The following CUL2 variants were observed in gnomAD, a reference collection of about 807,000 sequenced individuals.
CUL2 encodes cullin 2.
In CUL2, 22 loss-of-function variants were observed where a neutral mutation model predicts 110.2. The ratio of observed to expected loss-of-function variants is 0.20; its 90% confidence interval spans 0.14 to 0.28. CUL2 has a LOEUF of 0.28. CUL2 is among the 10% of genes least tolerant of loss of function. CUL2 has a pLI of 1.00. For missense variants in CUL2, 631 were observed against 905.5 expected (o/e 0.70, Z 3.89); for synonymous variants, 279 against 293.2 (o/e 0.95, Z 0.49).
At chr10:35,083,597 T>C (rs1351123828) in intron 1 of CUL2, among the ~76,000 whole-genome samples, 3 of 152,192 alleles carry the variant, frequency 2.0e-5, no homozygotes, top group Non-Finnish European at 2.9e-5. Context: ...AAATAGAAGG[T>C]GCTTTCCCCC....
intron 2 of CUL2, among the ~76,000 whole-genome samples, chr10:35,066,268 A>T (rs574499817): frequency 1.8e-4 from 27 of 152,318 alleles, no homozygotes; most frequent in East Asian, 5.8e-4. Context: ...AATTAAAAAA[A>T]ATATATAATA....
chr10:35,044,523 G>C (rs375700239), intron 8 of CUL2, 43 bp downstream of exon 8: 1 of 1,266,450 alleles, frequency 7.9e-7, no homozygotes, highest in Non-Finnish European at 1.1e-6. Flanking sequence ...AACCAGGCCA[G>C]ATACAAAATA....
intron 8 of CUL2, among the ~76,000 whole-genome samples, chr10:35,043,658 A>G (rs1176236120): frequency 6.6e-6 from 1 of 152,230 alleles, no homozygotes; most frequent in African/African-American, 2.4e-5. Flanking sequence ...TAGAAGTTCT[A>G]ATATATCTTA....
At chr10:35,058,344 C>T (rs1357030596) in intron 4 of CUL2, among the ~76,000 whole-genome samples, 1 of 152,116 alleles carries the variant, frequency 6.6e-6, no homozygotes. Flanking sequence ...TAGCCAGACC[C>T]CCGTGGTAAG....
chr10:35,033,118 TGATA>T, intron 11 of CUL2, 44 bp downstream of exon 11: 1 of 1,146,912 alleles, frequency 8.7e-7, no homozygotes, highest in Non-Finnish European at 1.2e-6. Context: ...GCCTAAAGAA[TGATA>T]GAGTTTTATG....
intron 1 of CUL2, chr10:35,120,042 T>A (rs2087659952): frequency 6.6e-6 from 1 of 152,210 alleles, no homozygotes; most frequent in Non-Finnish European, 1.5e-5. Context: ...CAGCCTAGTA[T>A]CCAGAAAGAG....
intron 3 of CUL2, among the ~76,000 whole-genome samples, chr10:35,061,769 G>A (rs1428670933): frequency 7.8e-6 from 1 of 128,522 alleles, no homozygotes; most frequent in Non-Finnish European, 1.7e-5. Flanking sequence ...ACTTATGAGG[G>A]TTTTTTTTTT....
intron 8 of CUL2, 92 bp from the exon 9 acceptor site, chr10:35,039,174 G>A: frequency 2.9e-6 from 2 of 682,148 alleles, no homozygotes; most frequent in South Asian, 2.7e-5. Context: ...AAATTTTAAT[G>A]GCTGAATTAA....
Position 35,081,704 on chromosome 10 carries a change from G to C in CUL2, c.-23+8475C>G, listed in dbSNP as rs112774051. Among the ~76,000 whole-genome samples, 941 of 152,160 alleles carry C rather than the reference G, an allele frequency of 6.2e-3. 12 individuals are homozygous for C. Among genetic ancestry groups the C allele is most frequent in the African/African-American group, 0.021 (891 of 41,504 alleles). ...AGCCCAGGAGTTCGCAGCCAACCTG[G>C]GCAACATGGTGAACCCCGCCTGTAC... On this transcript the variant is annotated intron_variant, in intron 1 of 20. Coordinates refer to ENST00000374749, the MANE Select transcript of CUL2 (RefSeq NM_003591.4).
At chr10:35,094,352 C>T (rs2087264055), upstream of CUL2, among the ~76,000 whole-genome samples, 1 of 152,096 alleles carries the variant, frequency 6.6e-6, no homozygotes, top group Non-Finnish European at 1.5e-5. Flanking sequence ...TCTCCTGCCT[C>T]AGCCTCCCGA....
At chr10:35,028,708 C>T (rs980288219) in intron 16 of CUL2, 102 bp downstream of exon 16, 27 of 675,428 alleles carry the variant, frequency 4.0e-5, no homozygotes, top group Non-Finnish European at 6.7e-5. Flanking sequence ...CTATTTTTAT[C>T]ACATGAACCC....
intron 1 of CUL2, among the ~76,000 whole-genome samples, chr10:35,122,917 T>C (rs1487594798): frequency 6.6e-6 from 1 of 152,212 alleles, no homozygotes; most frequent in Non-Finnish European, 1.5e-5. Context: ...GCTAGAATTA[T>C]AGGCGTGGGC....
intron 1 of CUL2, among the ~76,000 whole-genome samples, chr10:35,110,711 C>A (rs2087514063): frequency 6.6e-6 from 1 of 152,110 alleles, no homozygotes; most frequent in African/African-American, 2.4e-5. Context: ...TTGCAGATTG[C>A]CACCCTCTTG....
At chr10:35,013,647 C>T (rs2084957935) in intron 19 of CUL2, 52 bp downstream of exon 19, 2 of 1,166,958 alleles carry the variant, frequency 1.7e-6, no homozygotes, top group African/African-American at 1.5e-5. Flanking sequence ...TTGTAAAGTC[C>T]AATGCTTAAA....
intron 4 of CUL2, among the ~76,000 whole-genome samples, 200 bp downstream of exon 4, chr10:35,060,674 T>C (rs1343239884): frequency 1.3e-5 from 2 of 152,174 alleles, no homozygotes; most frequent in African/African-American, 4.8e-5. Context: ...TCACAGAACG[T>C]TCCACACACT....
Position 35,038,852 on chromosome 10 carries a change from G to C in CUL2, c.877+68C>G, listed in dbSNP as rs2085701895. The stretch of plus-strand genomic sequence containing the variant: ...TTACTAAAATAGGCATTAAATCAAG[G>C]GTGACTAGAGGATGATATAAAAGGT... On this transcript the variant is annotated intron_variant, in intron 9 of 20. Coordinates refer to ENST00000374749, the MANE Select transcript of CUL2 (RefSeq NM_003591.4). The C allele has an allele frequency of 5.0e-6, 5 of 1,004,350 alleles. No individual in the cohort carries two copies. In the South Asian group the frequency reaches 9.2e-5, roughly 19 times the overall value. 62.2% of individuals were successfully genotyped at this position (1,004,350 alleles called of 1,614,324 possible). A position where few individuals can be genotyped will look rare whatever the true frequency, so the allele number is the denominator to read the frequency against.
chr10:35,058,492 T>C (rs1360890656), intron 4 of CUL2, among the ~76,000 whole-genome samples: 4 of 152,202 alleles, frequency 2.6e-5, no homozygotes. Flanking sequence ...ACTCCAGATC[T>C]GTAGTCTAAA....
intron 17 of CUL2, among the ~76,000 whole-genome samples, chr10:35,019,442 C>A (rs529980380): frequency 6.6e-6 from 1 of 152,116 alleles, no homozygotes; most frequent in Admixed American, 6.6e-5. Flanking sequence ...TAGCACCATA[C>A]TCTTACTGAA....
At chr10:35,040,579 C>T (rs920846390) in intron 8 of CUL2, among the ~76,000 whole-genome samples, 5 of 152,164 alleles carry the variant, frequency 3.3e-5, no homozygotes, top group Non-Finnish European at 7.3e-5. Flanking sequence ...TCCCACAGTC[C>T]TGTCTTTCCT....
Sources: allele counts gnomAD v4.1 joint callset (sites outside exome capture counted in the v4.1 genomes callset), GRCh38; gene constraint gnomAD v4.1.1; transcripts MANE v1.5; gene names NCBI Gene and HGNC (gene_info 2026-07-23, HGNC 2026-07-21).